The following DYM variants were observed in gnomAD, a reference collection of about 807,000 sequenced individuals.
DYM encodes the protein dyggve-Melchior-Clausen syndrome protein.
DYM carries 78 observed loss-of-function variants against 93.1 expected under a neutral mutation model. The ratio of observed to expected loss-of-function variants is 0.84; its 90% CI spans 0.70 to 1.01. DYM has a LOEUF of 1.01. Ranked by LOEUF, DYM falls within the 50% of genes least tolerant of loss-of-function variation. DYM has a pLI of 0.00. For synonymous variants in DYM, 321 were observed against 319.7 expected (o/e 1.00, Z -0.04); for missense variants, 789 against 845.0 (o/e 0.93, Z 0.82).
At chr18:49,217,973 G>A (rs556980920) in intron 13 of DYM, among the ~76,000 whole-genome samples, 242 of 152,128 alleles carry the variant, frequency 1.6e-3, no homozygotes, top group Admixed American at 2.2e-3. Context: ...TTGGATAAAC[G>A]GTCAAGACCC....
At chr18:49,053,818 T>C (rs1362529968) in intron 17 of DYM, among the ~76,000 whole-genome samples, 1 of 152,178 alleles carries the variant, frequency 6.6e-6, no homozygotes, top group African/African-American at 2.4e-5. Context: ...CAAATGTTGG[T>C]GGGCTTCAGC....
chr18:49,394,001 G>A (rs914508382), intron 2 of DYM, among the ~76,000 whole-genome samples: 1 of 152,112 alleles, frequency 6.6e-6, no homozygotes, highest in Admixed American at 6.6e-5. Context: ...GGGAACTAGT[G>A]TTTAGTCAGT....
chr18:49,205,462 G>A (rs1401968652), intron 14 of DYM, among the ~76,000 whole-genome samples: 2 of 150,958 alleles, frequency 1.3e-5, no homozygotes, highest in East Asian at 1.9e-4. Context: ...TGCCATAGTA[G>A]ATGAGAAAAA....
At chr18:49,303,869 A>G (rs2061107611) in intron 8 of DYM, among the ~76,000 whole-genome samples, 1 of 152,184 alleles carries the variant, frequency 6.6e-6, no homozygotes, top group Non-Finnish European at 1.5e-5. Flanking sequence ...ATGGGGGGAA[A>G]ATTACTAGCA....
intron 14 of DYM, among the ~76,000 whole-genome samples, chr18:49,195,838 T>C (rs1319261673): frequency 1.3e-5 from 2 of 151,958 alleles, no homozygotes; most frequent in African/African-American, 4.8e-5. Context: ...AGTTTTACTG[T>C]ACGTGGGTAG....
intron 15 of DYM, among the ~76,000 whole-genome samples, chr18:49,148,152 A>G (rs915695201): frequency 3.4e-4 from 52 of 152,106 alleles, no homozygotes; most frequent in Non-Finnish European, 3.4e-4. Flanking sequence ...ATGAGAACAC[A>G]TGGACACAGG....
intron 13 of DYM, among the ~76,000 whole-genome samples, chr18:49,218,289 C>A (rs2093175762): frequency 6.6e-6 from 1 of 152,128 alleles, no homozygotes. Flanking sequence ...GACTTAGACT[C>A]CCACACAATA....
At chr18:49,044,866 G>C (rs1481150317) in intron 17 of DYM, among the ~76,000 whole-genome samples, 1 of 152,270 alleles carries the variant, frequency 6.6e-6, no homozygotes, top group Admixed American at 6.5e-5. Flanking sequence ...CAAACACATC[G>C]CAGGTGCCCT....
intron 10 of DYM, among the ~76,000 whole-genome samples, chr18:49,278,114 A>G (rs1479760894): frequency 1.3e-5 from 2 of 152,248 alleles, no homozygotes; most frequent in Non-Finnish European, 2.9e-5. Flanking sequence ...TGATGTTTAT[A>G]TAAAAACCAC....
intron 11 of DYM, among the ~76,000 whole-genome samples, chr18:49,258,811 CACACACACACAG>C (rs2094437327): frequency 7.3e-6 from 1 of 137,358 alleles, no homozygotes; most frequent in African/African-American, 2.8e-5. Context: ...CACACACACA[CACACACACACAG>C]AGACACACAC....
chr18:49,127,883 A>C (rs2082969192), intron 15 of DYM, among the ~76,000 whole-genome samples: 1 of 152,220 alleles, frequency 6.6e-6, no homozygotes, highest in African/African-American at 2.4e-5. Flanking sequence ...TTAATAAAGC[A>C]GTGGGAGGGG....
chr18:49,365,602 C>T (rs1442501222), intron 5 of DYM, among the ~76,000 whole-genome samples: 1 of 152,104 alleles, frequency 6.6e-6, no homozygotes, highest in Non-Finnish European at 1.5e-5. Flanking sequence ...ATGGTCACTC[C>T]TTAACTCATT....
chr18:49,054,430 A>G (rs2075297216), intron 17 of DYM, among the ~76,000 whole-genome samples: 1 of 152,120 alleles, frequency 6.6e-6, no homozygotes, highest in Non-Finnish European at 1.5e-5. Flanking sequence ...TTTAGTAGAG[A>G]TAGGGTTTCA....
At chr18:49,216,793 A>C (rs1280661287) in intron 13 of DYM, among the ~76,000 whole-genome samples, 1 of 152,140 alleles carries the variant, frequency 6.6e-6, no homozygotes, top group Non-Finnish European at 1.5e-5. Flanking sequence ...ATAAAACCAC[A>C]AAGATGGGGA....
intron 13 of DYM, among the ~76,000 whole-genome samples, chr18:49,252,749 C>T (rs1446035989): frequency 6.6e-6 from 1 of 152,064 alleles, no homozygotes; most frequent in African/African-American, 2.4e-5. Flanking sequence ...GAGGAAACAG[C>T]CAGTGGAGGG....
chr18:49,307,634 C>G (rs2061346679), intron 8 of DYM, among the ~76,000 whole-genome samples: 2 of 152,160 alleles, frequency 1.3e-5, no homozygotes, highest in Admixed American at 1.3e-4. Context: ...AAGAATACTC[C>G]TTTTCACTTG....
At chr18:49,384,116 A>G (rs12456418) in intron 3 of DYM, among the ~76,000 whole-genome samples, 14,334 of 151,902 alleles carry the variant, frequency 0.094, 859 homozygotes, top group East Asian at 0.31. Flanking sequence ...TTGTGGCCAG[A>G]AGTTCAAGAT....
intron 8 of DYM, among the ~76,000 whole-genome samples, chr18:49,306,445 T>G (rs948942531): frequency 3.9e-5 from 6 of 152,204 alleles, no homozygotes; most frequent in African/African-American, 1.4e-4. Flanking sequence ...CTTCTTGAAC[T>G]GGGATGTGTG....
intron 2 of DYM, among the ~76,000 whole-genome samples, chr18:49,396,330 C>T (rs757097196): frequency 5.3e-5 from 8 of 152,086 alleles, no homozygotes; most frequent in African/African-American, 1.7e-4. Context: ...TCCAATAATC[C>T]GACTGTTGGG....
Sources: allele counts gnomAD v4.1 joint callset (sites outside exome capture counted in the v4.1 genomes callset), GRCh38; gene constraint gnomAD v4.1.1; transcripts MANE v1.5; gene names NCBI Gene and HGNC (gene_info 2026-07-23, HGNC 2026-07-21).